CCBE1: variants seen among roughly 807,000 people sequenced by gnomAD.
The protein encoded by CCBE1 is collagen and calcium binding EGF domains 1.
CCBE1 carries 37 observed loss-of-function variants against 50.0 expected under a neutral mutation model. That is an observed-to-expected ratio of 0.74 (90% CI 0.57 to 0.97). CCBE1 has a LOEUF of 0.97. Ranked by LOEUF, CCBE1 falls within the 50% of genes least tolerant of loss-of-function variation. CCBE1 has a pLI of 0.00. For synonymous variants in CCBE1, 234 were observed against 203.7 expected (o/e 1.15, Z -1.27); for missense variants, 538 against 523.8 (o/e 1.03, Z -0.26).
At position 59,439,698 on chromosome 18, in the gene CCBE1, C is replaced by T. The variant is rs1179262477; in HGVS notation, c.894G>A (p.Lys298=). The change falls in exon 8 of 11, where the codon AAG becomes AAA. Residue 298 remains lysine (K), a synonymous_variant. Coordinates refer to ENST00000439986, the MANE Select transcript of CCBE1 (RefSeq NM_133459.4). ...TGACCACAGGGCCCCTCCGGCCTTG[C>T]TTAATGTGGGACAGATCAGGAGATG... ...MGPSPDLSHI[K]QGRRGPVGPP... The T allele has an allele frequency of 1.2e-6, 2 of 1,614,128 alleles. No individual in the cohort carries two copies. The highest frequency in any genetic ancestry group is 8.5e-7 in the Non-Finnish European group (1 of 1,180,044).
chr18:59,573,764 T>A (rs1436458778), intron 2 of CCBE1, among the ~76,000 whole-genome samples: 1 of 152,006 alleles, frequency 6.6e-6, no homozygotes, highest in Non-Finnish European at 1.5e-5. Context: ...CAAGTTAGAG[T>A]CACTGCCTTA....
At chr18:59,507,985 G>C (rs1041607775) in intron 2 of CCBE1, among the ~76,000 whole-genome samples, 1 of 151,644 alleles carries the variant, frequency 6.6e-6, no homozygotes, top group East Asian at 1.9e-4. Flanking sequence ...TCGCCTCCCG[G>C]GTTCAAGTGA....
At chr18:59,550,629 G>T (rs578259519) in intron 2 of CCBE1, among the ~76,000 whole-genome samples, 2 of 152,158 alleles carry the variant, frequency 1.3e-5, no homozygotes, top group Non-Finnish European at 2.9e-5. Context: ...GCCCTGTGAC[G>T]TTAGAACATT....
At chr18:59,596,387 G>C (rs80170223) in intron 2 of CCBE1, among the ~76,000 whole-genome samples, 1 of 152,018 alleles carries the variant, frequency 6.6e-6, no homozygotes, top group Non-Finnish European at 1.5e-5. Flanking sequence ...AACACTGAAG[G>C]TGTCACGGGA....
chr18:59,640,225 G>A (rs962649178), intron 2 of CCBE1, among the ~76,000 whole-genome samples: 1 of 152,172 alleles, frequency 6.6e-6, no homozygotes, highest in African/African-American at 2.4e-5. Flanking sequence ...CACATTACCT[G>A]ACTTCAAACT....
intron 5 of CCBE1, 181 bp from the exon 6 acceptor site, chr18:59,455,132 A>C: frequency 1.5e-6 from 1 of 684,936 alleles, no homozygotes; most frequent in East Asian, 2.7e-5. Context: ...GTCAGGGAAG[A>C]GGGGAGGACA....
intron 2 of CCBE1, among the ~76,000 whole-genome samples, chr18:59,506,897 T>C (rs947651373): frequency 3.9e-5 from 6 of 152,218 alleles, no homozygotes; most frequent in Non-Finnish European, 5.9e-5. Context: ...TCCCCAGATA[T>C]AGAAGATGTT....
At chr18:59,443,591 C>G (rs1193897076) in intron 7 of CCBE1, among the ~76,000 whole-genome samples, 2 of 151,776 alleles carry the variant, frequency 1.3e-5, no homozygotes, top group African/African-American at 2.4e-5. Flanking sequence ...CTCAACCTCC[C>G]AAGTAGATGG....
intron 2 of CCBE1, among the ~76,000 whole-genome samples, chr18:59,587,633 G>A (rs750042059): frequency 1.3e-4 from 20 of 152,128 alleles, no homozygotes; most frequent in Non-Finnish European, 2.4e-4. Flanking sequence ...TCCAAGAAGC[G>A]ACTCAGATCT....
chr18:59,560,254 C>T (rs979558964), intron 2 of CCBE1, among the ~76,000 whole-genome samples: 18 of 152,214 alleles, frequency 1.2e-4, no homozygotes, highest in African/African-American at 3.4e-4. Flanking sequence ...TGGGTATGCC[C>T]ATAGGCTTTT....
chr18:59,690,913 G>T (rs1404255659), intron 2 of CCBE1, among the ~76,000 whole-genome samples: 1 of 152,184 alleles, frequency 6.6e-6, no homozygotes, highest in African/African-American at 2.4e-5. Context: ...ATTTAAGATG[G>T]CAAGTTCAAG....
At chr18:59,645,505 A>G (rs953168400) in intron 2 of CCBE1, among the ~76,000 whole-genome samples, 7 of 152,330 alleles carry the variant, frequency 4.6e-5, no homozygotes, top group South Asian at 2.1e-4. Flanking sequence ...CTTTGTCCCA[A>G]TCCAAAGCCT....
intron 2 of CCBE1, among the ~76,000 whole-genome samples, chr18:59,536,044 G>A (rs889264535): frequency 2.0e-5 from 3 of 152,032 alleles, no homozygotes; most frequent in Non-Finnish European, 4.4e-5. Flanking sequence ...TGTTTGTAAT[G>A]TTTCATTTTC....
chr18:59,585,411 C>G (rs559717613), intron 2 of CCBE1, among the ~76,000 whole-genome samples: 2 of 152,102 alleles, frequency 1.3e-5, no homozygotes, highest in East Asian at 3.9e-4. Context: ...ACTGCAGGCT[C>G]CTGAAAATAA....
At position 59,610,742 on chromosome 18, in the gene CCBE1, G is replaced by A. The variant is rs2053557522; in HGVS notation, c.212+85887C>T. On this transcript the variant is annotated intron_variant, in intron 2 of 10. Transcript: ENST00000439986. ...AGAAAATACGCCTAACAAGCCCCAG[G>A]TGGACACATGAGGAACGGAGCCTCA... Among the ~76,000 whole-genome samples the A allele has an allele frequency of 2.6e-5, 4 of 151,488 alleles. No individual in the cohort carries two copies. The South Asian group carries it at 8.4e-4, about 32-fold the overall frequency.
intron 2 of CCBE1, among the ~76,000 whole-genome samples, chr18:59,655,276 C>T (rs1300204192): frequency 1.8e-4 from 27 of 152,166 alleles, no homozygotes; most frequent in Non-Finnish European, 2.9e-5. Flanking sequence ...CATTAACATG[C>T]TCCATTCAAC....
chr18:59,615,864 T>C (rs2053630200), intron 2 of CCBE1, among the ~76,000 whole-genome samples: 1 of 152,124 alleles, frequency 6.6e-6, no homozygotes. Context: ...ATAAGAAGGT[T>C]GAAAGTAAGC....
chr18:59,648,790 C>T (rs958035340), intron 2 of CCBE1, among the ~76,000 whole-genome samples: 1 of 152,222 alleles, frequency 6.6e-6, no homozygotes. Context: ...TGGGTGCAGC[C>T]TGCACCACAG....
chr18:59,629,618 T>G (rs1276371056), intron 2 of CCBE1, among the ~76,000 whole-genome samples: 1 of 152,208 alleles, frequency 6.6e-6, no homozygotes, highest in African/African-American at 2.4e-5. Context: ...AGTTATATCA[T>G]CTCAAGACAT....
Sources: gnomAD v4.1 joint callset for allele counts (sites outside exome capture counted in the v4.1 genomes callset) on GRCh38, gnomAD v4.1.1 for gene constraint, MANE v1.5 for transcripts, NCBI Gene and HGNC (gene_info 2026-07-23, HGNC 2026-07-21) for gene names.